PDLIM5: variants seen among roughly 807,000 people sequenced by gnomAD.
PDLIM5 encodes the protein PDZ and LIM domain protein 5.
A neutral mutation model predicts 64.2 loss-of-function variants in PDLIM5; 34 were observed. The ratio of observed to expected loss-of-function variants is 0.53; its 90% CI spans 0.40 to 0.71. The LOEUF (loss-of-function observed/expected upper bound fraction) is 0.71. Among genes scored for constraint, PDLIM5 ranks in the 30% least tolerant of loss-of-function variants. The pLI, the probability that PDLIM5 is intolerant of heterozygous loss-of-function variation, is 0.00. For synonymous variants in PDLIM5, 253 were observed against 269.1 expected, an observed-to-expected ratio of 0.94 and a Z score of 0.59; for missense variants, 683 against 733.6, an observed-to-expected ratio of 0.93 and a Z score of 0.80.
chr4:94,610,659 A>C (rs139171907), intron 7 of PDLIM5, among the ~76,000 whole-genome samples: 1 of 152,138 alleles, frequency 6.6e-6, no homozygotes, highest in African/African-American at 2.4e-5. Context: ...TATTGATTTT[A>C]TCTTCTCCCA....
chr4:94,473,963 TACTC>T (rs1386083609), intron 2 of PDLIM5, among the ~76,000 whole-genome samples: 1 of 152,168 alleles, frequency 6.6e-6, no homozygotes, highest in Non-Finnish European at 1.5e-5. Context: ...CTAACAATAA[TACTC>T]ACTTTAAAAA....
chr4:94,519,683 A>G (rs1331335149), intron 2 of PDLIM5, among the ~76,000 whole-genome samples: 2 of 152,176 alleles, frequency 1.3e-5, no homozygotes, highest in African/African-American at 4.8e-5. Context: ...GGTAGATTAT[A>G]GTACTAATTA....
intron 5 of PDLIM5, among the ~76,000 whole-genome samples, chr4:94,581,656 G>T (rs1735741317): frequency 6.6e-6 from 1 of 152,098 alleles, no homozygotes; most frequent in Admixed American, 6.6e-5. Flanking sequence ...GTTAAAACTG[G>T]TAGGCAGTTT....
At chr4:94,578,529 AGT>A (rs1407161581) in intron 5 of PDLIM5, among the ~76,000 whole-genome samples, 2 of 152,212 alleles carry the variant, frequency 1.3e-5, no homozygotes, top group African/African-American at 2.4e-5. Context: ...CTGAAAATAA[AGT>A]GTGTTGTCTG....
intron 7 of PDLIM5, among the ~76,000 whole-genome samples, chr4:94,603,490 C>T (rs1043790513): frequency 4.6e-5 from 7 of 152,068 alleles, no homozygotes; most frequent in African/African-American, 9.7e-5. Context: ...CCCAACCCTC[C>T]GCAAACTGGG....
intron 2 of PDLIM5, among the ~76,000 whole-genome samples, chr4:94,468,894 G>A (rs112564733): frequency 0.011 from 1,626 of 152,326 alleles, 34 homozygotes; most frequent in African/African-American, 0.037. Context: ...CTTGGATATA[G>A]AGTGTGCTTT....
intron 3 of PDLIM5, among the ~76,000 whole-genome samples, chr4:94,567,229 G>A (rs563392822): frequency 5.9e-5 from 9 of 152,102 alleles, no homozygotes; most frequent in South Asian, 2.1e-4. Context: ...TCCTGACCTC[G>A]TGATCTGCCC....
At chr4:94,618,275 A>T in intron 8 of PDLIM5, 84 bp downstream of exon 8, 8 of 861,864 alleles carry the variant, frequency 9.3e-6, no homozygotes, top group Non-Finnish European at 1.4e-5. Flanking sequence ...GGTAGAATTC[A>T]CTGGTAAAAC....
intron 7 of PDLIM5, among the ~76,000 whole-genome samples, chr4:94,598,891 C>T (rs2110345190): frequency 6.6e-6 from 1 of 152,026 alleles, no homozygotes; most frequent in South Asian, 2.1e-4. Flanking sequence ...TGGAGATGTC[C>T]TCTCCAGGCA....
intron 2 of PDLIM5, among the ~76,000 whole-genome samples, chr4:94,470,241 T>A (rs1212832421): frequency 6.6e-6 from 1 of 152,074 alleles, no homozygotes; most frequent in Non-Finnish European, 1.5e-5. Context: ...TGGGATTACA[T>A]GCATGAGCCA....
rs868009820 is a variant in PDLIM5 at position 94,488,838 on chromosome 4, G to C, written c.96+33454G>C. Among the ~76,000 whole-genome samples, 39 of 152,274 alleles carry C rather than the reference G, an allele frequency of 2.6e-4. 1 individual carries two copies. Among genetic ancestry groups the C allele is most frequent in the Middle Eastern group, 6.8e-3 (2 of 294 alleles). Reference sequence around the variant, plus strand: ...CCTCTTTGTTTATTGGACTGTTTTAGTCATCATAAAGTGCTTCAATCTTTA... The same window carrying C: ...CCTCTTTGTTTATTGGACTGTTTTACTCATCATAAAGTGCTTCAATCTTTA... On this transcript the variant is annotated intron_variant, in intron 2 of 12. Transcript: ENST00000317968.
intron 2 of PDLIM5, among the ~76,000 whole-genome samples, chr4:94,483,169 T>C (rs1726020536): frequency 6.6e-6 from 1 of 152,134 alleles, no homozygotes; most frequent in Non-Finnish European, 1.5e-5. Context: ...TAAAAATGGC[T>C]TGTTTATCAG....
intron 3 of PDLIM5, among the ~76,000 whole-genome samples, chr4:94,543,456 A>T (rs932271326): frequency 1.3e-5 from 2 of 152,162 alleles, no homozygotes; most frequent in Non-Finnish European, 2.9e-5. Context: ...AGCACTTAAT[A>T]TCTATTCTCT....
intron 3 of PDLIM5, among the ~76,000 whole-genome samples, chr4:94,537,328 T>G (rs1731403728): frequency 6.6e-6 from 1 of 152,186 alleles, no homozygotes; most frequent in South Asian, 2.1e-4. Flanking sequence ...TCCAGATTCT[T>G]TTGTTTTACT....
rs1236886684 is a variant in PDLIM5, at chr4:94,525,310, T to C, written c.248+1435T>C. ...GGTGCATGCCTGTAATCCTAGCTACTTGGGGGCTGAGGCAGGAGAATCACT... is the reference window on the plus strand; with the variant it reads ...GGTGCATGCCTGTAATCCTAGCTACCTGGGGGCTGAGGCAGGAGAATCACT... On this transcript the variant is annotated intron_variant, in intron 3 of 12. Coordinates refer to ENST00000317968, the MANE Select transcript of PDLIM5 (RefSeq NM_006457.5). Among the ~76,000 whole-genome samples, 3 of 152,076 alleles carry C rather than the reference T, an allele frequency of 2.0e-5. No homozygotes were observed. The East Asian group carries it at 5.8e-4, about 29-fold the overall frequency.
At chr4:94,480,822 T>C (rs1360393291) in intron 2 of PDLIM5, among the ~76,000 whole-genome samples, 1 of 152,148 alleles carries the variant, frequency 6.6e-6, no homozygotes, top group South Asian at 2.1e-4. Context: ...AGGAGACAGC[T>C]GCCAGCACAG....
intron 2 of PDLIM5, among the ~76,000 whole-genome samples, chr4:94,470,181 G>T (rs191556893): frequency 2.4e-4 from 37 of 152,002 alleles, no homozygotes; most frequent in Non-Finnish European, 4.7e-4. Flanking sequence ...AGCCAGTATG[G>T]TCTTGATCTC....
intron 2 of PDLIM5, among the ~76,000 whole-genome samples, chr4:94,474,216 A>G (rs894640718): frequency 1.3e-5 from 2 of 152,114 alleles, no homozygotes; most frequent in Non-Finnish European, 2.9e-5. Flanking sequence ...TCAGTGGATG[A>G]TCATTAAAAC....
intron 3 of PDLIM5, among the ~76,000 whole-genome samples, chr4:94,564,656 C>CTCTTTT (rs1553959063): frequency 8.6e-5 from 9 of 104,542 alleles, no homozygotes; most frequent in African/African-American, 3.9e-4. Context: ...AATTTTGTCT[C>CTCTTTT]TTTTTTTTTT....
Sources: gnomAD v4.1 joint callset for allele counts (sites outside exome capture counted in the v4.1 genomes callset) on GRCh38, gnomAD v4.1.1 for gene constraint, MANE v1.5 for transcripts, NCBI Gene and HGNC (gene_info 2026-07-23, HGNC 2026-07-21) for gene names.